The following ABCB5 variants were observed in gnomAD, a reference collection of about 807,000 sequenced individuals.
ABCB5 encodes the protein ATP binding cassette subfamily B member 5, also known as ATP-binding cassette sub-family B member 5.
A neutral mutation model predicts 144.2 loss-of-function variants in ABCB5; 155 were observed. The observed-to-expected ratio is 1.08, with a 90% CI of 0.94 to 1.23. The LOEUF (loss-of-function observed/expected upper bound fraction) is 1.23. Among genes scored for constraint, ABCB5 ranks in the 50% most tolerant of loss-of-function variants. The pLI is 0.00. For synonymous variants in ABCB5, 610 were observed against 528.6 expected (o/e 1.15, Z -2.11); for missense variants, 1,830 against 1,520.8 (o/e 1.20, Z -3.38).
At chr7:20,641,063 C>T (rs1463451378) in intron 5 of ABCB5, among the ~76,000 whole-genome samples, 1 of 152,052 alleles carries the variant, frequency 6.6e-6, no homozygotes, top group African/African-American at 2.4e-5. Context: ...CAGCCTAGAC[C>T]CCCTCTCTCG....
At chr7:20,664,352 T>C (rs1785103738) in intron 14 of ABCB5, among the ~76,000 whole-genome samples, 1 of 152,226 alleles carries the variant, frequency 6.6e-6, no homozygotes, top group South Asian at 2.1e-4. Context: ...AAGTTGTTTA[T>C]TTTTATACTA....
At chr7:20,669,213 C>G (rs1434933571) in intron 14 of ABCB5, among the ~76,000 whole-genome samples, 170 of 145,164 alleles carry the variant, frequency 1.2e-3, no homozygotes, top group African/African-American at 4.2e-3. Context: ...GCCACGACCC[C>G]GTCTGGGAGG....
chr7:20,716,374 C>A (rs970106832), intron 20 of ABCB5, among the ~76,000 whole-genome samples: 6 of 152,030 alleles, frequency 3.9e-5, no homozygotes, highest in African/African-American at 1.4e-4. Flanking sequence ...TTATTCTCAA[C>A]AACACATAAT....
intron 13 of ABCB5, among the ~76,000 whole-genome samples, chr7:20,654,319 A>C (rs1784698456): frequency 6.6e-6 from 1 of 152,234 alleles, no homozygotes; most frequent in Non-Finnish European, 1.5e-5. Flanking sequence ...GTATGCAAGA[A>C]ACATAATCCT....
chr7:20,631,436 G>A (rs1353930932), intron 4 of ABCB5, among the ~76,000 whole-genome samples: 2 of 152,102 alleles, frequency 1.3e-5, no homozygotes, highest in African/African-American at 2.4e-5. Flanking sequence ...GATTATAGAA[G>A]TTTAAGGAAT....
chr7:20,725,669 A>T (rs1191438204), intron 21 of ABCB5, among the ~76,000 whole-genome samples: 3 of 152,152 alleles, frequency 2.0e-5, no homozygotes, highest in African/African-American at 7.2e-5. Flanking sequence ...TCCCTTCTCC[A>T]TTGTGAAAAA....
At chr7:20,659,633 T>C (rs192857664) in intron 14 of ABCB5, 1 of 988,992 alleles carries the variant, frequency 1.0e-6, no homozygotes, top group African/African-American at 1.7e-5. Context: ...TTCGGCAATT[T>C]GGTTCATCTT....
intron 19 of ABCB5, 50 bp from the exon 20 acceptor site, chr7:20,704,674 A>T (rs1786757772): frequency 6.7e-7 from 1 of 1,486,586 alleles, no homozygotes; most frequent in Admixed American, 1.8e-5. Flanking sequence ...CACAAGTCAG[A>T]TAAAAAAAAT....
At chr7:20,693,994 T>C (rs1385171712) in intron 16 of ABCB5, among the ~76,000 whole-genome samples, 1 of 151,120 alleles carries the variant, frequency 6.6e-6, no homozygotes, top group Non-Finnish European at 1.5e-5. Context: ...TTTTAAAAAA[T>C]TGAATCTGTG....
At chr7:20,736,149 T>A (rs1220415136) in intron 23 of ABCB5, among the ~76,000 whole-genome samples, 3 of 152,220 alleles carry the variant, frequency 2.0e-5, no homozygotes, top group Admixed American at 2.0e-4. Context: ...CTTGGAAAGT[T>A]GTGATTTGAC....
intron 5 of ABCB5, among the ~76,000 whole-genome samples, chr7:20,634,930 G>A (rs562766696): frequency 3.9e-5 from 6 of 151,966 alleles, no homozygotes; most frequent in East Asian, 3.9e-4. Context: ...GTCTATTTTC[G>A]GTTTTGTTGC....
intron 15 of ABCB5, 71 bp from the exon 16 acceptor site, chr7:20,685,625 A>C (rs762129785): frequency 7.3e-7 from 1 of 1,366,968 alleles, no homozygotes; most frequent in Non-Finnish European, 1.0e-6. Flanking sequence ...AGCTTTAAAG[A>C]GATGCTTAAT....
chr7:20,715,762 C>A (rs1781655762), intron 20 of ABCB5, among the ~76,000 whole-genome samples: 1 of 151,390 alleles, frequency 6.6e-6, no homozygotes, highest in African/African-American at 2.4e-5. Flanking sequence ...CTCTGTCACC[C>A]AGGCTGGAGT....
intron 23 of ABCB5, among the ~76,000 whole-genome samples, chr7:20,737,935 T>C (rs1782441135): frequency 6.6e-6 from 1 of 152,212 alleles, no homozygotes; most frequent in South Asian, 2.1e-4. Flanking sequence ...TTTTTGTTTT[T>C]ATATTTTATA....
chr7:20,651,770 G>A, intron 13 of ABCB5, 147 bp downstream of exon 13: 1 of 737,372 alleles, frequency 1.4e-6, no homozygotes. Flanking sequence ...TCCAACCAGT[G>A]GCACAAGATG....
At chr7:20,658,452 A>G in intron 13 of ABCB5, 54 bp from the exon 14 acceptor site, 1 of 1,565,864 alleles carries the variant, frequency 6.4e-7, no homozygotes. Context: ...TCCTGTTCTA[A>G]CCATTTGATC....
intron 13 of ABCB5, among the ~76,000 whole-genome samples, chr7:20,657,993 C>G (rs1011081957): frequency 4.7e-4 from 72 of 151,976 alleles, no homozygotes; most frequent in Admixed American, 5.9e-4. Context: ...TATTTTAAAA[C>G]AAATCAAAAG....
rs1783671398 is a variant in ABCB5 at position 20,615,835 on chromosome 7, AAAGT to A, written c.-22+3_-22+6del. On this transcript the variant is annotated splice_donor_variant and 5_prime_UTR_variant, in exon 1 of 28. Transcript: ENST00000404938. LOFTEE classifies it low-confidence loss of function (5UTR_SPLICE). Reference sequence around the variant, plus strand: ...CACTCAAAACAGCATCTAAGGAATTAAAGTAAGTCAAAGCAAAAGTATTAGAGAT... The same window carrying A: ...CACTCAAAACAGCATCTAAGGAATTAAAGTCAAAGCAAAAGTATTAGAGAT... The A allele has an allele frequency of 6.6e-6, 1 of 152,336 alleles. No individual in the cohort carries two copies. The highest frequency in any genetic ancestry group is 1.5e-5 in the Non-Finnish European group (1 of 68,054). The allele number at this position is 152,336 out of a possible 1,614,324, so 9.4% of individuals were successfully genotyped here. A position where few individuals can be genotyped will look rare whatever the true frequency, so the allele number is the denominator to read the frequency against.
At chr7:20,680,998 CTTTCTTTCTTTCTTTCTT>C (rs1222424084) in intron 14 of ABCB5, among the ~76,000 whole-genome samples, 3,802 of 111,560 alleles carry the variant, frequency 0.034, 531 homozygotes, top group African/African-American at 0.12. Flanking sequence ...TTCTTTCTTT[CTTTCTTTCTTTCTTTCTT>C]TCTTTCTTTC....
Sources: allele counts gnomAD v4.1 joint callset (sites outside exome capture counted in the v4.1 genomes callset), GRCh38; gene constraint gnomAD v4.1.1; transcripts MANE v1.5; gene names NCBI Gene and HGNC (gene_info 2026-07-23, HGNC 2026-07-21).